The following CUBN variants were observed in gnomAD, a reference collection of about 807,000 sequenced individuals.
CUBN encodes the protein cubilin.
CUBN carries 282 observed loss-of-function variants against 405.3 expected under a neutral mutation model. The observed-to-expected ratio is 0.70, with a 90% CI of 0.63 to 0.77. The LOEUF (loss-of-function observed/expected upper bound fraction) is 0.77, where lower values mean the gene tolerates loss of function less well. Ranked by LOEUF, CUBN falls within the 30% of genes least tolerant of loss-of-function variation. The probability of loss-of-function intolerance (pLI) is 0.00; values close to 1 mark genes in which losing one functional copy is unlikely to be tolerated. For synonymous variants in CUBN, 1,684 were observed against 1,617.0 expected, an observed-to-expected ratio of 1.04 and a Z score of -0.99; for missense variants, 4,514 against 4,475.2, an observed-to-expected ratio of 1.01 and a Z score of -0.25.
At chr10:17,059,202 C>G (rs1007232767) in intron 22 of CUBN, among the ~76,000 whole-genome samples, 15 of 152,132 alleles carry the variant, frequency 9.9e-5, no homozygotes, top group African/African-American at 3.6e-4. Flanking sequence ...CTAGACTTTT[C>G]TAAAACTCAC....
chr10:16,985,248 G>A (rs1833384083), intron 29 of CUBN, among the ~76,000 whole-genome samples: 1 of 152,216 alleles, frequency 6.6e-6, no homozygotes, highest in Non-Finnish European at 1.5e-5. Context: ...ATGGGCAGAT[G>A]AATAGAAGAG....
chr10:16,974,404 T>A (rs1434842622), intron 31 of CUBN, among the ~76,000 whole-genome samples: 1 of 152,040 alleles, frequency 6.6e-6, no homozygotes, highest in East Asian at 1.9e-4. Flanking sequence ...GCCCACTGGC[T>A]GGGATTTTCC....
chr10:16,942,901 G>GAACGGAAGGC (rs1842693793), intron 36 of CUBN, among the ~76,000 whole-genome samples: 1 of 150,062 alleles, frequency 6.7e-6, no homozygotes, highest in Non-Finnish European at 1.5e-5. Context: ...AAGGCAAGGG[G>GAACGGAAGGC]AAGGGGAAGG....
intron 58 of CUBN, 117 bp downstream of exon 58, chr10:16,874,257 T>C (rs1306031582): frequency 1.9e-6 from 2 of 1,075,436 alleles, no homozygotes; most frequent in East Asian, 4.7e-5. Context: ...CACTCCTCTG[T>C]GTAGATTTCC....
At chr10:16,909,020 C>G (rs1841643567) in intron 48 of CUBN, among the ~76,000 whole-genome samples, 1 of 151,330 alleles carries the variant, frequency 6.6e-6, no homozygotes, top group Admixed American at 6.6e-5. Context: ...GTAGCTGGGA[C>G]TACAGGTGCC....
chr10:16,865,159 G>A (rs527680929), intron 59 of CUBN, among the ~76,000 whole-genome samples: 4 of 150,340 alleles, frequency 2.7e-5, no homozygotes, highest in African/African-American at 4.9e-5. Context: ...TAGTAGAGAC[G>A]GGGTTTCACC....
At chr10:17,101,131 T>G (rs1330161402) in intron 13 of CUBN, among the ~76,000 whole-genome samples, 1 of 152,170 alleles carries the variant, frequency 6.6e-6, no homozygotes, top group Non-Finnish European at 1.5e-5. Flanking sequence ...TATTTTAAGA[T>G]CAGTTACCTA....
intron 29 of CUBN, among the ~76,000 whole-genome samples, chr10:16,987,255 ACT>A (rs1459035980): frequency 6.6e-6 from 1 of 152,144 alleles, no homozygotes; most frequent in Non-Finnish European, 1.5e-5. Context: ...ATAGTACATG[ACT>A]CTTCAAAAGA....
At chr10:16,890,980 G>C (rs1840988522) in intron 54 of CUBN, among the ~76,000 whole-genome samples, 1 of 152,182 alleles carries the variant, frequency 6.6e-6, no homozygotes, top group African/African-American at 2.4e-5. Flanking sequence ...AAGTGGGCAT[G>C]AATTCCAAGT....
intron 58 of CUBN, 108 bp from the exon 59 acceptor site, chr10:16,869,961 T>C: frequency 1.3e-6 from 1 of 766,434 alleles, no homozygotes; most frequent in Non-Finnish European, 2.3e-6. Context: ...CAGTAGAGCA[T>C]TCAAAACTCA....
In CUBN at chr10:16,915,815, A is replaced by G; in HGVS notation, c.7210+6T>C. On this transcript the variant is annotated splice_donor_region_variant and intron_variant, in intron 46 of 66. Coordinates refer to ENST00000377833, the MANE Select transcript of CUBN (RefSeq NM_001081.4). ...ACCCAAAAGAGAGCAGATATATTTT[A>G]CTAACCAGAGGTATGATTGTCCCAG... is the stretch of plus-strand genomic sequence containing the variant. The G allele has an allele frequency of 6.2e-7, 1 of 1,608,208 alleles. No individual in the cohort carries two copies. Among genetic ancestry groups the G allele is most frequent in the Non-Finnish European group, 8.5e-7 (1 of 1,176,080 alleles).
At chr10:16,825,669 G>GTA (rs1838753231) in intron 66 of CUBN, among the ~76,000 whole-genome samples, 1 of 144,924 alleles carries the variant, frequency 6.9e-6, no homozygotes, top group Non-Finnish European at 1.5e-5. Flanking sequence ...GTGTGTGTGT[G>GTA]TGTGTTGGGG....
intron 22 of CUBN, among the ~76,000 whole-genome samples, chr10:17,055,533 TAAGTC>T: frequency 6.6e-6 from 1 of 152,194 alleles, no homozygotes; most frequent in Admixed American, 6.5e-5. Flanking sequence ...AGGATTTATT[TAAGTC>T]ATTAGAACTA....
chr10:16,938,397 AAC>A (rs1207839412), intron 38 of CUBN, among the ~76,000 whole-genome samples: 2 of 152,272 alleles, frequency 1.3e-5, no homozygotes, highest in East Asian at 3.9e-4. Flanking sequence ...AATTCATATG[AAC>A]AGTTATTATA....
chr10:16,955,268 G>C (rs1365627659), intron 31 of CUBN, among the ~76,000 whole-genome samples: 1 of 150,932 alleles, frequency 6.6e-6, no homozygotes, highest in Non-Finnish European at 1.5e-5. Flanking sequence ...AGCTACTCAG[G>C]AGGCTGAGGC....
chr10:16,888,654 A>G (rs778366447), intron 55 of CUBN, 88 bp from the exon 56 acceptor site: 20 of 1,086,596 alleles, frequency 1.8e-5, no homozygotes, highest in Non-Finnish European at 2.7e-5. Context: ...TTCCTAAATT[A>G]TCTATAGACA....
At chr10:16,894,525 G>A (rs1426436659) in intron 54 of CUBN, among the ~76,000 whole-genome samples, 4 of 152,198 alleles carry the variant, frequency 2.6e-5, no homozygotes, top group African/African-American at 9.6e-5. Flanking sequence ...ATGTTTGTGT[G>A]AGTGTATTTC....
rs1177774228 is a variant in CUBN, at chr10:16,824,626, T to C, written c.*349A>G. ...ACCTCTGCCTCCTGGGTTCAAGCAA[T>C]TCTCCTGCCTCAGCCTCTCGAGTGG... On this transcript the variant is annotated 3_prime_UTR_variant, in exon 67 of 67. Transcript: ENST00000377833. 3 of 329,048 alleles carry C rather than the reference T, an allele frequency of 9.1e-6. No individual in the cohort carries two copies. The highest frequency in any genetic ancestry group is 1.8e-5 in the Non-Finnish European group (3 of 167,498). The allele number at this position is 329,048 out of a possible 1,614,324, so 20.4% of individuals were successfully genotyped here. A position where few individuals can be genotyped will look rare whatever the true frequency, so the allele number is the denominator to read the frequency against.
chr10:17,120,007 G>T (rs34481294), intron 6 of CUBN, among the ~76,000 whole-genome samples: 19,506 of 152,212 alleles, frequency 0.13, 1,433 homozygotes, highest in Middle Eastern at 0.24. Flanking sequence ...AGAGCTCAAA[G>T]AGTTAAAGAA....
Sources: gnomAD v4.1 joint callset for allele counts (sites outside exome capture counted in the v4.1 genomes callset) on GRCh38, gnomAD v4.1.1 for gene constraint, MANE v1.5 for transcripts, NCBI Gene and HGNC (gene_info 2026-07-23, HGNC 2026-07-21) for gene names.